The following NSD2 variants were observed in gnomAD, a reference collection of about 807,000 sequenced individuals.
NSD2 encodes the protein histone-lysine N-methyltransferase NSD2.
A neutral mutation model predicts 139.0 loss-of-function variants in NSD2; 12 were observed. The ratio of observed to expected loss-of-function variants is 0.09; its 90% CI spans 0.06 to 0.14. NSD2 has a LOEUF of 0.14. Ranked by LOEUF, NSD2 falls within the 10% of genes least tolerant of loss-of-function variation. NSD2 has a pLI of 1.00. For missense variants in NSD2, 1,155 were observed against 1,745.0 expected, an observed-to-expected ratio of 0.66 and a Z score of 6.02; for synonymous variants, 669 against 648.7, an observed-to-expected ratio of 1.03 and a Z score of -0.48.
rs373867838 is a variant in NSD2, at chr4:1,915,365, C to T, written c.761-1506C>T. ...TCCTGACCTCGTGGTCCGCCTGCCTCGGCCTCCCAAAGTGCTGGGATTACA... is the reference window on the plus strand; with the variant it reads ...TCCTGACCTCGTGGTCCGCCTGCCTTGGCCTCCCAAAGTGCTGGGATTACA... On this transcript the variant is annotated intron_variant, in intron 3 of 21. Transcript: ENST00000508803. Among the ~76,000 whole-genome samples the T allele has an allele frequency of 2.7e-4, 41 of 152,140 alleles. 1 individual carries two copies. In the East Asian group the frequency reaches 6.6e-3, roughly 24 times the overall value.
chr4:1,884,122 G>T lies in NSD2; in HGVS notation c.-30+12580G>T, dbSNP rs549423089. Among the ~76,000 whole-genome samples the T allele has an allele frequency of 4.6e-5, 7 of 152,220 alleles. No individual in the cohort carries two copies. In the East Asian group the frequency reaches 1.2e-3, roughly 25 times the overall value. On this transcript the variant is annotated intron_variant, in intron 1 of 21. Coordinates refer to ENST00000508803, the MANE Select transcript of NSD2 (RefSeq NM_001042424.3). ...CTTTTTTTGTCGGGGAGGAGATGGG[G>T]TCTTGCTCTGTCACCCAGGCTGGAG...
At chr4:1,877,468 C>T (rs1204296988) in intron 1 of NSD2, among the ~76,000 whole-genome samples, 1 of 152,142 alleles carries the variant, frequency 6.6e-6, no homozygotes, top group African/African-American at 2.4e-5. Flanking sequence ...CTCTTTCTGC[C>T]ATGTTTTTCC....
Position 1,957,956 on chromosome 4 carries a change from T to A in NSD2, c.2905T>A (p.Phe969Ile). The change falls in exon 16 of 22, where the codon TTT becomes ATT. Residue 969 changes from phenylalanine to isoleucine, a missense_variant. By Grantham distance (21) the Phe-to-Ile change is conservative (BLOSUM62 0). This residue lies in a region of NSD2 where 139 missense variants were observed against 485.8 expected (regional missense o/e 0.29). Transcript: ENST00000508803. ...KNALQEAEAR[F>I]REIKLQREAR... ...AGCACTGCAAGAAGCTGAAGCTCGT[T>A]TTCGTGAAATTAAGCTTCAGAGGGA... 6.2e-7 allele frequency: 1 copy of A among 1,614,172 alleles called. No homozygotes were observed. The highest frequency in any genetic ancestry group is 8.5e-7 in the Non-Finnish European group (1 of 1,180,028).
chr4:1,885,455 T>G (rs1250262306), intron 1 of NSD2, among the ~76,000 whole-genome samples: 1 of 152,236 alleles, frequency 6.6e-6, no homozygotes, highest in Non-Finnish European at 1.5e-5. Flanking sequence ...TGGTCATTCT[T>G]GTAAGTTGAT....
chr4:1,908,521 G>A (rs1462070744), intron 3 of NSD2, among the ~76,000 whole-genome samples: 1 of 152,244 alleles, frequency 6.6e-6, no homozygotes, highest in Non-Finnish European at 1.5e-5. Context: ...TCAAGCCTGG[G>A]TAGATAACCC....
At chr4:1,872,776 G>C (rs780378776) in intron 1 of NSD2, among the ~76,000 whole-genome samples, 4 of 152,062 alleles carry the variant, frequency 2.6e-5, no homozygotes, top group Non-Finnish European at 5.9e-5. Context: ...TCACGCATGG[G>C]TTATATTCAC....
At chr4:1,951,944 C>T (rs956772242) in intron 10 of NSD2, 164 bp from the exon 11 acceptor site, 29 of 1,093,072 alleles carry the variant, frequency 2.7e-5, no homozygotes, top group Admixed American at 8.9e-5. Flanking sequence ...TGTATTTGTA[C>T]GTTCTGTTTG....
intron 5 of NSD2, among the ~76,000 whole-genome samples, chr4:1,925,174 C>T (rs567510059): frequency 1.3e-3 from 195 of 152,232 alleles, no homozygotes; most frequent in African/African-American, 4.5e-3. Flanking sequence ...GGTCTTTCTA[C>T]ATTGTTTTTT....
Position 1,978,764 on chromosome 4 carries a change from A to G in NSD2, c.3953A>G (p.Asp1318Gly). Residue 1318 changes from aspartate (D) to glycine (G), a missense_variant, in exon 22 of 22, where the codon GAC becomes GGC. Asp to Gly is a moderately conservative substitution (Grantham distance 94, BLOSUM62 -1). This residue lies in a region of NSD2 where 132 missense variants were observed against 94.3 expected (regional missense o/e 1.40). Coordinates refer to ENST00000508803, the MANE Select transcript of NSD2 (RefSeq NM_001042424.3). The part of the protein sequence containing the change: ...QDGTAFSCTP[D>G]GRSYCCEHDL... ...GGGACAGCCTTCAGCTGCACCCCGGACGGGCGGTCCTACTGCTGTGAGCAT... is the reference window on the plus strand; with the variant it reads ...GGGACAGCCTTCAGCTGCACCCCGGGCGGGCGGTCCTACTGCTGTGAGCAT... 6.2e-7 allele frequency: 1 copy of G among 1,614,048 alleles called. No homozygotes were observed. Among genetic ancestry groups the G allele is most frequent in the Non-Finnish European group, 8.5e-7 (1 of 1,179,940 alleles).
rs1075781 is a variant in NSD2 at position 1,969,958 on chromosome 4, A to G, written c.3373-4905A>G. On this transcript the variant is annotated intron_variant, in intron 18 of 21. Coordinates refer to ENST00000508803, the MANE Select transcript of NSD2 (RefSeq NM_001042424.3). ...AAGCCTAAACCTCAAGGAACACACTAGAGAGTAGGAACCACAAGAACGGCA... is the reference window on the plus strand; with the variant it reads ...AAGCCTAAACCTCAAGGAACACACTGGAGAGTAGGAACCACAAGAACGGCA... Among the ~76,000 whole-genome samples, 388 of 152,326 alleles carry G rather than the reference A, an allele frequency of 2.5e-3. 10 individuals carry two copies. In the East Asian group the frequency reaches 0.072, roughly 28 times the overall value.
In NSD2 at chr4:1,930,640, C is replaced by G; in HGVS notation, c.1425C>G (p.His475Gln). 1 of 1,610,892 alleles carries G rather than the reference C, an allele frequency of 6.2e-7. No individual in the cohort carries two copies. The highest frequency in any genetic ancestry group is 1.1e-5 in the South Asian group (1 of 90,510). The change falls in exon 6 of 22, where the codon CAC (histidine) becomes CAG (glutamine). Residue 475 changes from histidine to glutamine, a missense_variant. Physicochemically the swap from His to Gln is conservative, Grantham distance 24 (BLOSUM62 0). This residue lies in a region of NSD2 where 420 missense variants were observed against 469.0 expected (regional missense o/e 0.90). Coordinates refer to ENST00000508803, the MANE Select transcript of NSD2 (RefSeq NM_001042424.3). ...QKHRDEVVAE[H>Q]PDASGEEIEE... ...CGTTCCCACAGGTGGTAGCTGAGCA[C>G]CCAGATGCTTCAGGTGAGGAGATTG...
chr4:1,943,714 A>C (rs1402066596), intron 9 of NSD2: 5 of 1,054,368 alleles, frequency 4.7e-6, no homozygotes, highest in Non-Finnish European at 4.6e-6. Context: ...TCAAGAGTAA[A>C]ATTAAAATTC....
chr4:1,976,323 G>A lies in NSD2; in HGVS notation c.3622-152G>A, dbSNP rs2109024628. The A allele has an allele frequency of 1.7e-5, 13 of 778,866 alleles. No homozygotes were observed. Among genetic ancestry groups the A allele is most frequent in the East Asian group, 2.7e-5 (1 of 37,196 alleles). 48.2% of individuals were successfully genotyped at this position (778,866 alleles called of 1,614,324 possible). Reference sequence around the variant, plus strand: ...GTCGAGTGAGTCTAAGGATGTCTGGGGAGCACGAGGAGGACACTCCTCTCC... The same window carrying A: ...GTCGAGTGAGTCTAAGGATGTCTGGAGAGCACGAGGAGGACACTCCTCTCC... On this transcript the variant is annotated intron_variant, in intron 20 of 21. Transcript: ENST00000508803. This position sits in a 1 kb window ranked among gnomAD's most constrained non-coding sequence, Gnocchi z 5.3.
At chr4:1,960,237 C>T (rs1203392209) in intron 17 of NSD2, among the ~76,000 whole-genome samples, 1 of 152,210 alleles carries the variant, frequency 6.6e-6, no homozygotes, top group Non-Finnish European at 1.5e-5. Context: ...ATAACTCACA[C>T]ATTCCCTTAA....
At chr4:1,946,073 T>A (rs896674877) in intron 9 of NSD2, 43 of 1,030,196 alleles carry the variant, frequency 4.2e-5, no homozygotes, top group Middle Eastern at 4.5e-4. Context: ...CTTAGTTTTT[T>A]AAAAAAAATC....
chr4:1,973,638 C>G lies in NSD2; in HGVS notation c.3373-1225C>G, dbSNP rs144850325. Among the ~76,000 whole-genome samples the G allele has an allele frequency of 6.9e-3, 1,053 of 152,360 alleles. 13 individuals are homozygous for G. The highest frequency in any genetic ancestry group is 0.024 in the African/African-American group (1,008 of 41,588). On this transcript the variant is annotated intron_variant, in intron 18 of 21. Coordinates refer to ENST00000508803, the MANE Select transcript of NSD2 (RefSeq NM_001042424.3). The surrounding 1 kb of genome is among the most constrained non-coding windows in gnomAD (Gnocchi z 5.5). ...CCTGTGTGGGTATGTAGAAAGGACA[C>G]GGGGCCAGCGGTCCCAGACAGGGGC...
chr4:1,897,577 A>G (rs1425017411), intron 1 of NSD2, among the ~76,000 whole-genome samples: 1 of 152,166 alleles, frequency 6.6e-6, no homozygotes, highest in African/African-American at 2.4e-5. Context: ...GCCAGGACTT[A>G]GAGACTAGCC....
intron 5 of NSD2, among the ~76,000 whole-genome samples, chr4:1,924,942 A>G (rs1720661415): frequency 6.6e-6 from 1 of 152,090 alleles, no homozygotes; most frequent in African/African-American, 2.4e-5. Context: ...AAACTACAAA[A>G]AATTGAGCTC....
At position 1,955,348 on chromosome 4, in the gene NSD2, G is replaced by GT; in HGVS notation, c.2518+8_2518+9insT. The GT allele has an allele frequency of 6.2e-7, 1 of 1,603,786 alleles. No homozygotes were observed. The highest frequency in any genetic ancestry group is 1.7e-5 in the Admixed American group (1 of 59,846). ...GCTTCGTGTGCTCCAAAGGTGAGGG[G>GT]CCTGGGGGTGTCTGCGGCACACGCC... On this transcript the variant is annotated intron_variant, in intron 13 of 21. Coordinates refer to ENST00000508803, the MANE Select transcript of NSD2 (RefSeq NM_001042424.3). The surrounding 1 kb of genome is among the most constrained non-coding windows in gnomAD (Gnocchi z 4.7).
Sources: gnomAD v4.1 joint callset for allele counts (sites outside exome capture counted in the v4.1 genomes callset) on GRCh38, gnomAD v4.1.1 for gene constraint, gnomAD v4.1.1 regional missense constraint, Gnocchi (gnomAD v3.1) non-coding constraint, MANE v1.5 for transcripts, NCBI Gene and HGNC (gene_info 2026-07-23, HGNC 2026-07-21) for gene names.